PARD3: variants seen among roughly 807,000 people sequenced by gnomAD.
The protein encoded by PARD3 is par-3 family cell polarity regulator, also known as partitioning defective 3 homolog.
Under a neutral mutation model 155.4 loss-of-function variants are expected in PARD3, and 75 were observed. The ratio of observed to expected loss-of-function variants is 0.48; its 90% confidence interval spans 0.40 to 0.58. The LOEUF is 0.58. PARD3 is among the 20% of genes least tolerant of loss of function. The probability of loss-of-function intolerance (pLI) is 0.00; values close to 1 mark genes in which losing one functional copy is unlikely to be tolerated. For missense variants in PARD3, 1,642 were observed against 1,721.7 expected, an observed-to-expected ratio of 0.95 and a Z score of 0.82; for synonymous variants, 576 against 610.5, an observed-to-expected ratio of 0.94 and a Z score of 0.83.
chr10:34,158,217 A>C (rs1274481), intron 22 of PARD3, among the ~76,000 whole-genome samples: 29,955 of 151,814 alleles, frequency 0.2, 3,836 homozygotes, highest in Non-Finnish European at 0.27. Flanking sequence ...CGTTTCTCCA[A>C]ATAAAAAACA....
intron 22 of PARD3, among the ~76,000 whole-genome samples, chr10:34,172,365 T>A (rs1301656225): frequency 6.6e-6 from 1 of 152,218 alleles, no homozygotes; most frequent in Non-Finnish European, 1.5e-5. Context: ...TAATGTGTCA[T>A]GCTCAGAGAA....
At chr10:34,758,122 T>G (rs977233755) in intron 1 of PARD3, among the ~76,000 whole-genome samples, 2 of 152,204 alleles carry the variant, frequency 1.3e-5, no homozygotes, top group African/African-American at 4.8e-5. Context: ...AATGCTATAA[T>G]TATCTACATG....
chr10:34,799,741 A>G (rs1410685461), intron 1 of PARD3, among the ~76,000 whole-genome samples: 1 of 152,024 alleles, frequency 6.6e-6, no homozygotes, highest in African/African-American at 2.4e-5. Flanking sequence ...TTGCAATCCC[A>G]GCACTTTGGG....
At chr10:34,451,400 T>C (rs2077048115) in intron 4 of PARD3, among the ~76,000 whole-genome samples, 2 of 152,190 alleles carry the variant, frequency 1.3e-5, no homozygotes, top group Non-Finnish European at 2.9e-5. Flanking sequence ...TTAGTAACAC[T>C]GTTAAGAGTA....
At chr10:34,357,709 C>G (rs1386011612) in intron 14 of PARD3, among the ~76,000 whole-genome samples, 1 of 152,200 alleles carries the variant, frequency 6.6e-6, no homozygotes, top group South Asian at 2.1e-4. Flanking sequence ...GTATGTCCCA[C>G]TCTTCTCCAC....
chr10:34,700,861 CCT>C (rs1303574213), intron 1 of PARD3, among the ~76,000 whole-genome samples: 2 of 152,006 alleles, frequency 1.3e-5, no homozygotes, highest in African/African-American at 4.8e-5. Flanking sequence ...AGTCCCAGCT[CCT>C]CTTTCTCCTG....
intron 2 of PARD3, among the ~76,000 whole-genome samples, chr10:34,553,952 A>G (rs1363851255): frequency 6.6e-6 from 1 of 152,220 alleles, no homozygotes; most frequent in African/African-American, 2.4e-5. Context: ...CTAGTGATGC[A>G]TTTAATGCAC....
At chr10:34,674,830 G>T (rs746837927) in intron 2 of PARD3, among the ~76,000 whole-genome samples, 1 of 151,976 alleles carries the variant, frequency 6.6e-6, no homozygotes. Flanking sequence ...GAACCTTCCC[G>T]GTCTAAGCCC....
At chr10:34,128,710 G>T (rs1213314720) in intron 23 of PARD3, among the ~76,000 whole-genome samples, 1 of 152,100 alleles carries the variant, frequency 6.6e-6, no homozygotes, top group Non-Finnish European at 1.5e-5. Flanking sequence ...CCCTAATTTG[G>T]TCACTAAATC....
Position 34,399,339 on chromosome 10 carries a change from C to G in PARD3, c.881G>C (p.Arg294Pro), listed in dbSNP as rs774055746. 1.9e-6 allele frequency: 3 copies of G among 1,603,684 alleles called. No individual in the cohort carries two copies. The highest frequency in any genetic ancestry group is 2.6e-6 in the Non-Finnish European group (3 of 1,170,550). ...CTCCAAGATACGTTACCTGCCGCCT[C>G]GAGCACTGAAAGGCACTACGTGGAT... ...LGIHVVPFSA[R>P]GGRTLGLLVK... Residue 294 changes from arginine (R) to proline (P), a missense_variant, in exon 7 of 25, where the codon CGA becomes CCA. Physicochemically the swap from Arg to Pro is moderately radical, Grantham distance 103 (BLOSUM62 -2). Coordinates refer to ENST00000374788, the MANE Select transcript of PARD3 (RefSeq NM_001184785.2).
chr10:34,264,094 G>A (rs1302832749), intron 22 of PARD3, among the ~76,000 whole-genome samples: 1 of 152,142 alleles, frequency 6.6e-6, no homozygotes, highest in Admixed American at 6.5e-5. Flanking sequence ...TAGTGCAAAG[G>A]TGCTAACTAT....
intron 2 of PARD3, among the ~76,000 whole-genome samples, chr10:34,530,069 A>C (rs2082738609): frequency 6.6e-6 from 1 of 152,122 alleles, no homozygotes; most frequent in Non-Finnish European, 1.5e-5. Context: ...GTGGAAGTGG[A>C]CCATCATAAA....
At chr10:34,414,068 C>T (rs748695310) in intron 5 of PARD3, among the ~76,000 whole-genome samples, 3 of 151,954 alleles carry the variant, frequency 2.0e-5, no homozygotes, top group Admixed American at 6.6e-5. Context: ...AGTGGTAACA[C>T]GTGCCTATAG....
At chr10:34,312,194 A>G (rs1957735712) in intron 20 of PARD3, 2 of 1,346,368 alleles carry the variant, frequency 1.5e-6, no homozygotes, top group East Asian at 2.4e-5. Flanking sequence ...CAAATGGATT[A>G]ATAAGGAAAT....
At chr10:34,142,061 C>T (rs1435773448) in intron 22 of PARD3, among the ~76,000 whole-genome samples, 1 of 152,106 alleles carries the variant, frequency 6.6e-6, no homozygotes, top group Admixed American at 6.6e-5. Flanking sequence ...GTGTTAAGAG[C>T]TTTAAACCTC....
rs181308448 is a variant in PARD3, at chr10:34,666,911, G to A, written c.222+29407C>T. The stretch of plus-strand genomic sequence containing the variant: ...GGCTGGGCACAGTGAGTCATGCCTT[G>A]TAATCCCAGCACTTTGGGAGACCAG... On this transcript the variant is annotated intron_variant, in intron 2 of 24. Transcript: ENST00000374788. Among the ~76,000 whole-genome samples the A allele has an allele frequency of 6.7e-5, 10 of 149,680 alleles. No homozygotes were observed. In the East Asian group the frequency reaches 2.0e-3, roughly 30 times the overall value.
intron 1 of PARD3, among the ~76,000 whole-genome samples, chr10:34,728,227 C>T (rs963798108): frequency 2.0e-5 from 3 of 152,108 alleles, no homozygotes; most frequent in Non-Finnish European, 4.4e-5. Flanking sequence ...AGAAAACACT[C>T]AAATTTAGGC....
Position 34,765,274 on chromosome 10 carries a change from C to A in PARD3, c.120+49602G>T, listed in dbSNP as rs1276734101. ...TACTTCCGATTTATAGCATTCCATC[C>A]ATACTATTTGTGTCCCAGGTAACAG... On this transcript the variant is annotated intron_variant, in intron 1 of 24. Transcript: ENST00000374788. Among the ~76,000 whole-genome samples the A allele has an allele frequency of 3.3e-5, 5 of 152,280 alleles. No individual in the cohort carries two copies. The East Asian group carries it at 9.6e-4, about 29-fold the overall frequency.
intron 12 of PARD3, among the ~76,000 whole-genome samples, chr10:34,364,828 T>G (rs897646785): frequency 3.3e-5 from 5 of 152,168 alleles, no homozygotes; most frequent in Non-Finnish European, 7.4e-5. Flanking sequence ...GAAAAGGATG[T>G]AAACAAGCCA....
Sources: gnomAD v4.1 joint callset for allele counts (sites outside exome capture counted in the v4.1 genomes callset) on GRCh38, gnomAD v4.1.1 for gene constraint, MANE v1.5 for transcripts, NCBI Gene and HGNC (gene_info 2026-07-23, HGNC 2026-07-21) for gene names.